TENM3: variants seen among roughly 807,000 people sequenced by gnomAD.
TENM3 encodes the protein teneurin-3.
Under a neutral mutation model 255.1 loss-of-function variants are expected in TENM3, and 63 were observed. That is an observed-to-expected ratio of 0.25 (90% CI 0.20 to 0.30). The LOEUF (loss-of-function observed/expected upper bound fraction) is 0.30. TENM3 is among the 10% of genes least tolerant of loss of function. The pLI is 1.00. For missense variants in TENM3, 2,929 were observed against 3,461.1 expected (o/e 0.85, Z 3.86); for synonymous variants, 1,306 against 1,322.3 (o/e 0.99, Z 0.27).
At chr4:181,911,506 T>A in the TENM3 span, among the ~76,000 whole-genome samples, 1 of 152,198 alleles carries the variant, frequency 6.6e-6, no homozygotes, top group African/African-American at 2.4e-5. Context: ...TAAAATGTGT[T>A]TGAAGGCTAT....
At chr4:182,226,668 T>C (rs1756176269) in intron 1 of TENM3, among the ~76,000 whole-genome samples, 1 of 152,182 alleles carries the variant, frequency 6.6e-6, no homozygotes, top group Non-Finnish European at 1.5e-5. Context: ...TCCCTCCACC[T>C]TGGACCCATG....
the TENM3 span, among the ~76,000 whole-genome samples, chr4:182,103,498 G>T: frequency 5.9e-5 from 9 of 152,156 alleles, no homozygotes; most frequent in Non-Finnish European, 1.3e-4. Context: ...TACAGTGAAA[G>T]ATAAAGTAGA....
intron 25 of TENM3, among the ~76,000 whole-genome samples, chr4:182,790,830 T>C (rs1406649472): frequency 6.6e-6 from 1 of 152,144 alleles, no homozygotes; most frequent in Non-Finnish European, 1.5e-5. Context: ...ATAATGGCAC[T>C]GGGAAATGTT....
chr4:181,968,686 A>G, the TENM3 span, among the ~76,000 whole-genome samples: 1 of 152,226 alleles, frequency 6.6e-6, no homozygotes, highest in Non-Finnish European at 1.5e-5. Flanking sequence ...ATTTGTCTCA[A>G]TTCAATGGGT....
chr4:182,789,186 G>T lies in TENM3; in HGVS notation c.5398G>T (p.Ala1800Ser), dbSNP rs201366948. The change falls in exon 25 of 28, where the codon GCC (alanine) becomes TCC (serine). Residue 1800 changes from alanine to serine, a missense_variant. Physicochemically the swap from Ala to Ser is moderately conservative, Grantham distance 99. Around this residue, in one of 6 missense-constraint regions of TENM3, gnomAD observed 303 missense variants for 425.2 expected, o/e 0.71. Transcript: ENST00000511685. This position sits in a 1 kb window ranked among gnomAD's most constrained non-coding sequence, Gnocchi z 4.4. The part of the protein sequence containing the change: ...DDHRKFLLRI[A>S]YDTSGHPTLW... ...CCACCGTAAATTTCTACTGAGGATC[G>T]CCTACGACACGTCTGGGCACCCGAC... is the stretch of plus-strand genomic sequence containing the variant. The T allele has an allele frequency of 6.2e-7, 1 of 1,612,804 alleles. No homozygotes were observed. The highest frequency in any genetic ancestry group is 8.5e-7 in the Non-Finnish European group (1 of 1,179,428).
intron 3 of TENM3, among the ~76,000 whole-genome samples, chr4:182,517,068 G>C (rs1484209512): frequency 1.3e-5 from 2 of 152,050 alleles, no homozygotes; most frequent in Non-Finnish European, 2.9e-5. Context: ...TATGAGACCT[G>C]TGACTGATTC....
intron 3 of TENM3, among the ~76,000 whole-genome samples, chr4:182,491,671 A>G (rs922012993): frequency 3.9e-5 from 6 of 152,136 alleles, no homozygotes; most frequent in African/African-American, 1.4e-4. Context: ...AATTATATTC[A>G]GTTGATTATA....
the TENM3 span, among the ~76,000 whole-genome samples, chr4:181,732,524 T>C: frequency 2.0e-5 from 3 of 152,178 alleles, no homozygotes; most frequent in African/African-American, 7.2e-5. Flanking sequence ...AGGATACCTT[T>C]TTCATAAATC....
chr4:182,256,528 T>G (rs1400729605), intron 1 of TENM3, among the ~76,000 whole-genome samples: 1 of 152,184 alleles, frequency 6.6e-6, no homozygotes, highest in African/African-American at 2.4e-5. Flanking sequence ...CCTTTTAAGA[T>G]CCTAAAACTC....
the TENM3 span, among the ~76,000 whole-genome samples, chr4:181,802,949 C>G: frequency 2.6e-5 from 4 of 152,192 alleles, no homozygotes; most frequent in Admixed American, 2.6e-4. Flanking sequence ...CATCTACCAA[C>G]AAACGATGCT....
chr4:182,059,754 AAAAAAAAAG>A, the TENM3 span, among the ~76,000 whole-genome samples: 6 of 136,338 alleles, frequency 4.4e-5, no homozygotes, highest in South Asian at 4.3e-4. Context: ...ACAAAAAAAA[AAAAAAAAAG>A]AAAAAAAAAA....
chr4:181,778,734 A>G, the TENM3 span, among the ~76,000 whole-genome samples: 1 of 152,150 alleles, frequency 6.6e-6, no homozygotes, highest in Non-Finnish European at 1.5e-5. Context: ...TATCTAAAAG[A>G]AATGCAGTTC....
At chr4:182,791,021 A>C (rs952794337) in intron 25 of TENM3, among the ~76,000 whole-genome samples, 4 of 152,214 alleles carry the variant, frequency 2.6e-5, no homozygotes, top group Non-Finnish European at 5.9e-5. Flanking sequence ...TTACTGGGAT[A>C]GGTGCACTAA....
At chr4:181,571,378 C>T in the TENM3 span, among the ~76,000 whole-genome samples, 1 of 152,016 alleles carries the variant, frequency 6.6e-6, no homozygotes, top group Non-Finnish European at 1.5e-5. Flanking sequence ...ACTCTGTTGC[C>T]CAGGCTGGAG....
chr4:181,550,301 C>G, the TENM3 span, among the ~76,000 whole-genome samples: 12 of 152,190 alleles, frequency 7.9e-5, no homozygotes, highest in East Asian at 3.8e-4. Flanking sequence ...AGATTCTCTA[C>G]TTTGATCATA....
the TENM3 span, among the ~76,000 whole-genome samples, chr4:181,959,901 G>T: frequency 3.3e-5 from 5 of 152,094 alleles, no homozygotes; most frequent in Non-Finnish European, 7.4e-5. Flanking sequence ...CTAAAATAGG[G>T]GTAGAGAGGC....
chr4:181,929,354 CA>C, the TENM3 span, among the ~76,000 whole-genome samples: 2,918 of 121,590 alleles, frequency 0.024, 60 homozygotes, highest in African/African-American at 0.066. Context: ...AATGGAAAGG[CA>C]AAAAAAAAAA....
the TENM3 span, among the ~76,000 whole-genome samples, chr4:181,491,599 A>G: frequency 2.6e-5 from 4 of 152,216 alleles, no homozygotes; most frequent in South Asian, 2.1e-4. Flanking sequence ...TGAGATATAT[A>G]CTTTAGGATT....
intron 4 of TENM3, among the ~76,000 whole-genome samples, chr4:182,626,329 A>G (rs958756857): frequency 2.3e-4 from 35 of 152,224 alleles, no homozygotes; most frequent in Admixed American, 1.4e-3. Flanking sequence ...TTGAATTGGC[A>G]TTTAAAATCT....
Sources: gnomAD v4.1 joint callset for allele counts (sites outside exome capture counted in the v4.1 genomes callset) on GRCh38, gnomAD v4.1.1 for gene constraint, gnomAD v4.1.1 regional missense constraint, Gnocchi (gnomAD v3.1) non-coding constraint, MANE v1.5 for transcripts, NCBI Gene and HGNC (gene_info 2026-07-23, HGNC 2026-07-21) for gene names.